R3HCC1L: variants seen among roughly 807,000 people sequenced by gnomAD.
The protein encoded by R3HCC1L is R3H domain and coiled-coil containing 1 like.
In R3HCC1L, 51 loss-of-function variants were observed where a neutral mutation model predicts 59.9. That is an observed-to-expected ratio of 0.85 (90% CI 0.68 to 1.07). The LOEUF (loss-of-function observed/expected upper bound fraction) is 1.07, where lower values mean the gene tolerates loss of function less well. R3HCC1L is among the 50% of genes least tolerant of loss of function. The pLI, the probability that R3HCC1L is intolerant of heterozygous loss-of-function variation, is 0.00. For synonymous variants in R3HCC1L, 322 were observed against 315.2 expected (o/e 1.02, Z -0.23); for missense variants, 965 against 933.0 (o/e 1.03, Z -0.45).
At chr10:98,223,934 T>C (rs972435787) in intron 5 of R3HCC1L, among the ~76,000 whole-genome samples, 1 of 152,048 alleles carries the variant, frequency 6.6e-6, no homozygotes, top group Non-Finnish European at 1.5e-5. Context: ...GTTTTGGTGA[T>C]GGTAGGAGCA....
intron 5 of R3HCC1L, among the ~76,000 whole-genome samples, chr10:98,229,125 G>A (rs1465933529): frequency 6.6e-6 from 1 of 152,114 alleles, no homozygotes; most frequent in African/African-American, 2.4e-5. Flanking sequence ...TGTGAAGAAA[G>A]TCATTGGTAG....
chr10:98,228,043 T>G (rs952697404), intron 5 of R3HCC1L, among the ~76,000 whole-genome samples: 1 of 152,172 alleles, frequency 6.6e-6, no homozygotes, highest in African/African-American at 2.4e-5. Flanking sequence ...AACAAACATA[T>G]GTGTGCATGT....
intron 9 of R3HCC1L, among the ~76,000 whole-genome samples, chr10:98,239,823 G>C (rs141618510): frequency 1.3e-3 from 195 of 152,168 alleles, no homozygotes; most frequent in Admixed American, 2.9e-3. Context: ...TCAGCCTCCT[G>C]AGTAGCTGGG....
intron 6 of R3HCC1L, among the ~76,000 whole-genome samples, chr10:98,233,733 C>T: frequency 6.6e-6 from 1 of 152,148 alleles, no homozygotes; most frequent in Non-Finnish European, 1.5e-5. Flanking sequence ...AAGTGTTTTT[C>T]TAGTACTTAA....
chr10:98,159,288 G>T (rs1180943905), intron 2 of R3HCC1L, among the ~76,000 whole-genome samples: 1 of 152,144 alleles, frequency 6.6e-6, no homozygotes, highest in African/African-American at 2.4e-5. Flanking sequence ...CTGGTAATAT[G>T]ATTTTGGATC....
intron 4 of R3HCC1L, among the ~76,000 whole-genome samples, chr10:98,194,905 T>C (rs375067554): frequency 3.9e-5 from 6 of 152,256 alleles, no homozygotes; most frequent in African/African-American, 9.6e-5. Context: ...GGAAAACATA[T>C]GGAAATTCTT....
At chr10:98,199,283 A>G (rs750198710) in intron 4 of R3HCC1L, among the ~76,000 whole-genome samples, 20 of 152,194 alleles carry the variant, frequency 1.3e-4, no homozygotes, top group Admixed American at 4.6e-4. Context: ...CCTGTCAAGT[A>G]TATTAAAGAG....
chr10:98,175,478 C>A (rs1848917070), intron 4 of R3HCC1L, among the ~76,000 whole-genome samples: 1 of 152,136 alleles, frequency 6.6e-6, no homozygotes, highest in Non-Finnish European at 1.5e-5. Context: ...CAGCCCCTTA[C>A]CTGACCCCAA....
chr10:98,173,940 G>A (rs1415361460), intron 4 of R3HCC1L, among the ~76,000 whole-genome samples: 1 of 152,172 alleles, frequency 6.6e-6, no homozygotes, highest in Non-Finnish European at 1.5e-5. Context: ...TGAGCTGCGT[G>A]TATGTTGCTT....
chr10:98,192,208 G>C (rs1287847446), intron 4 of R3HCC1L, among the ~76,000 whole-genome samples: 1 of 151,304 alleles, frequency 6.6e-6, no homozygotes, highest in East Asian at 1.9e-4. Flanking sequence ...GTGGAATGCA[G>C]GAAAAAAATT....
intron 4 of R3HCC1L, among the ~76,000 whole-genome samples, chr10:98,183,952 T>A (rs1849929942): frequency 7.5e-6 from 1 of 132,718 alleles, no homozygotes; most frequent in Non-Finnish European, 1.6e-5. Context: ...CTTTGCTCCT[T>A]TTTCGGTTTT....
Position 98,141,189 on chromosome 10 carries a change from A to C in R3HCC1L, c.-268+6483A>C, listed in dbSNP as rs550288595. Among the ~76,000 whole-genome samples, 18 of 152,298 alleles carry C rather than the reference A, an allele frequency of 1.2e-4. No homozygotes were observed. In the South Asian group the frequency reaches 3.7e-3, roughly 32 times the overall value. On this transcript the variant is annotated intron_variant, in intron 1 of 9. Coordinates refer to ENST00000298999, the MANE Select transcript of R3HCC1L (RefSeq NM_001351015.2). ...TACTTTCATAAACTAGTGTGTACCCATTTTATTCTCTTCCTAGATTGTAAA... is the reference window on the plus strand; with the variant it reads ...TACTTTCATAAACTAGTGTGTACCCCTTTTATTCTCTTCCTAGATTGTAAA...
chr10:98,209,120 A>C lies in R3HCC1L; in HGVS notation c.1006A>C (p.Asn336His). 4 of 1,614,104 alleles carry C rather than the reference A, an allele frequency of 2.5e-6. No homozygotes were observed. Among genetic ancestry groups the C allele is most frequent in the Non-Finnish European group, 3.4e-6 (4 of 1,180,004 alleles). ...SPVMIRECEK[N>H]DSTADELHVK... Reference sequence around the variant, plus strand: ...AGTAATGATTAGAGAATGTGAGAAGAATGACAGCACTGCTGATGAGTTACA... The same window carrying C: ...AGTAATGATTAGAGAATGTGAGAAGCATGACAGCACTGCTGATGAGTTACA... Residue 336 changes from asparagine (N) to histidine (H), a missense_variant, in exon 5 of 10, where the codon AAT becomes CAT. Asn to His is a moderately conservative substitution (Grantham distance 68). Coordinates refer to ENST00000298999, the MANE Select transcript of R3HCC1L (RefSeq NM_001351015.2).
intron 5 of R3HCC1L, 94 bp downstream of exon 5, chr10:98,209,993 T>C (rs889985578): frequency 3.1e-6 from 3 of 967,782 alleles, no homozygotes; most frequent in Admixed American, 2.4e-5. Context: ...TTCACTGATA[T>C]TTAAGAGTTC....
chr10:98,177,208 G>C (rs1282186055), intron 4 of R3HCC1L, among the ~76,000 whole-genome samples: 1 of 151,946 alleles, frequency 6.6e-6, no homozygotes, highest in Non-Finnish European at 1.5e-5. Flanking sequence ...AGGCCCCAGT[G>C]TGTGATGTTC....
At chr10:98,200,770 G>A (rs1469383641) in intron 4 of R3HCC1L, among the ~76,000 whole-genome samples, 1 of 152,092 alleles carries the variant, frequency 6.6e-6, no homozygotes, top group Non-Finnish European at 1.5e-5. Context: ...GAAAAGCTAG[G>A]TCAAAGGCAG....
intron 5 of R3HCC1L, among the ~76,000 whole-genome samples, chr10:98,224,835 T>C (rs1351796594): frequency 6.6e-6 from 1 of 152,218 alleles, no homozygotes; most frequent in East Asian, 1.9e-4. Context: ...ATATTGACTT[T>C]ATAGGAGGGA....
intron 4 of R3HCC1L, among the ~76,000 whole-genome samples, chr10:98,204,017 A>G (rs1298162615): frequency 6.6e-6 from 1 of 152,198 alleles, no homozygotes; most frequent in Non-Finnish European, 1.5e-5. Flanking sequence ...TAGCTGCAAA[A>G]TGCACCCCAA....
At chr10:98,188,324 G>A (rs997215030) in intron 4 of R3HCC1L, among the ~76,000 whole-genome samples, 3 of 152,124 alleles carry the variant, frequency 2.0e-5, no homozygotes, top group South Asian at 2.1e-4. Context: ...AGTAGAGAGC[G>A]CAGAATACCC....
Sources: gnomAD v4.1 joint callset for allele counts (sites outside exome capture counted in the v4.1 genomes callset) on GRCh38, gnomAD v4.1.1 for gene constraint, MANE v1.5 for transcripts, NCBI Gene and HGNC (gene_info 2026-07-23, HGNC 2026-07-21) for gene names.